Variants in GGT1 observed in about 807,000 individuals in gnomAD.
GGT1 encodes glutathione hydrolase 1 proenzyme.
GGT1 carries 21 observed loss-of-function variants against 56.0 expected under a neutral mutation model. The observed-to-expected ratio is 0.38, with a 90% confidence interval of 0.27 to 0.54. GGT1 has a LOEUF of 0.54. Among genes scored for constraint, GGT1 ranks in the 20% least tolerant of loss-of-function variants. The probability of loss-of-function intolerance (pLI) is 0.82; values close to 1 mark genes in which losing one functional copy is unlikely to be tolerated. For synonymous variants in GGT1, 238 were observed against 342.6 expected, an observed-to-expected ratio of 0.69 and a Z score of 3.37; for missense variants, 466 against 787.0, an observed-to-expected ratio of 0.59 and a Z score of 4.88.
At chr22:24,586,515 A>T in the GGT1 span, 2 of 1,208,896 alleles carry the variant, frequency 1.7e-6, no homozygotes, top group Non-Finnish European at 2.3e-6. Context: ...CAGTCTGGCA[A>T]AGCCAGATTC....
chr22:24,584,479 C>A, the GGT1 span, among the ~76,000 whole-genome samples: 4 of 152,198 alleles, frequency 2.6e-5, no homozygotes, highest in Non-Finnish European at 5.9e-5. Context: ...CCATCCTGTC[C>A]TCACCCTCCT....
intron 7 of GGT1, among the ~76,000 whole-genome samples, chr22:24,617,960 C>T (rs1485153040): frequency 6.6e-6 from 1 of 151,978 alleles, no homozygotes. Context: ...AAGTGATGAG[C>T]CCAGTAAAGC....
At chr22:24,589,900 A>C (rs1313426326), upstream of GGT1, 25 of 1,613,382 alleles carry the variant, frequency 1.5e-5, no homozygotes, top group Non-Finnish European at 2.1e-5. Context: ...GAGGAAGGCC[A>C]CATCTCTGTA....
Position 24,615,123 on chromosome 22 carries a change from G to A in GGT1, c.378G>A (p.Gln126=), listed in dbSNP as rs746881274. 1 of 1,610,572 alleles carries A rather than the reference G, an allele frequency of 6.2e-7. No individual in the cohort carries two copies. Among genetic ancestry groups the A allele is most frequent in the Non-Finnish European group, 8.5e-7 (1 of 1,178,542 alleles). ...TGTTCAACAGCTCGGAGCAGTCCCA[G>A]AAGGGTAAGCCATGCGGCAGACTTG... is the stretch of plus-strand genomic sequence containing the variant. ...ATMFNSSEQS[Q]KGGLSVAVPG... Residue 126 remains glutamine (Q), a synonymous_variant, in exon 7 of 16, where the codon CAG becomes CAA. Transcript: ENST00000400382.
chr22:24,608,776 G>C (rs1023835324), intron 2 of GGT1, among the ~76,000 whole-genome samples: 22 of 152,172 alleles, frequency 1.4e-4, no homozygotes, highest in Admixed American at 9.8e-4. Context: ...TCCTGCCTCA[G>C]CTCCTGAGTA....
the GGT1 span, chr22:24,588,241 C>T: frequency 6.2e-7 from 1 of 1,613,416 alleles, no homozygotes; most frequent in Non-Finnish European, 8.5e-7. Flanking sequence ...CTGGCGCAGG[C>T]TGGACCCTTG....
upstream of GGT1, chr22:24,589,961 G>A (rs375676985): frequency 3.8e-6 from 6 of 1,578,044 alleles, no homozygotes; most frequent in African/African-American, 2.7e-5. Flanking sequence ...TGTGAGTGGT[G>A]AAGAGAGAGT....
chr22:24,619,990 A>T (rs1278914976), intron 7 of GGT1, among the ~76,000 whole-genome samples: 3 of 135,144 alleles, frequency 2.2e-5, no homozygotes, highest in African/African-American at 6.2e-5. Flanking sequence ...AGCCCCTCCT[A>T]AAAAAAAAAA....
intron 2 of GGT1, among the ~76,000 whole-genome samples, chr22:24,608,679 C>T (rs995329737): frequency 2.6e-5 from 4 of 152,108 alleles, no homozygotes; most frequent in South Asian, 2.1e-4. Flanking sequence ...TTTTTTGAGA[C>T]GGAGTTTCAC....
chr22:24,623,286 G>T (rs1210311848), intron 10 of GGT1, 30 bp downstream of exon 10: 1 of 1,497,774 alleles, frequency 6.7e-7, no homozygotes, highest in Non-Finnish European at 9.1e-7. Context: ...CCGTGTGGTA[G>T]GACCCATGAC....
intron 5 of GGT1, 25 bp from the exon 6 acceptor site, chr22:24,614,751 C>T (rs754255136): frequency 1.2e-6 from 2 of 1,612,572 alleles, no homozygotes; most frequent in Non-Finnish European, 1.7e-6. Context: ...TGCAGGTTCT[C>T]ATGCCTTTAT....
Position 24,615,080 on chromosome 22 carries a change from G to C in GGT1, c.335G>C (p.Arg112Thr), listed in dbSNP as rs750844473. The C allele has an allele frequency of 1.4e-5, 23 of 1,612,088 alleles. 1 individual carries two copies. In the Admixed American group the frequency reaches 3.7e-4, roughly 26 times the overall value. The change falls in exon 7 of 16, where the codon AGG (arginine) becomes ACG (threonine). Residue 112 changes from arginine to threonine, a missense_variant. Arg to Thr is a moderately conservative substitution (Grantham distance 71, BLOSUM62 -1). Transcript: ENST00000400382. ...ATCAACGCCCGCGAGGTGGCCCCCA[G>C]GCTGGCCTTTGCCACCATGTTCAAC... is the stretch of plus-strand genomic sequence containing the variant. ...EVINAREVAP[R>T]LAFATMFNSS...
chr22:24,593,012 C>CG, upstream of GGT1: 1 of 1,092,116 alleles, frequency 9.2e-7, no homozygotes, highest in Non-Finnish European at 1.1e-6. Context: ...GCCTCGGGCC[C>CG]GGCCCGCCGG....
intron 1 of GGT1, 105 bp from the exon 2 acceptor site, chr22:24,607,849 G>T (rs2147290577): frequency 7.9e-6 from 3 of 379,002 alleles, no homozygotes; most frequent in Non-Finnish European, 1.6e-5. Flanking sequence ...GTGCTGCAGG[G>T]GGCCACAGGC....
At chr22:24,589,042 C>T in the GGT1 span, 463 of 1,022,498 alleles carry the variant, frequency 4.5e-4, no homozygotes, top group Non-Finnish European at 5.3e-4. Context: ...CCTGGCTGTT[C>T]CTGTGATGGC....
At chr22:24,596,986 A>ATT (rs199837761) in intron 1 of GGT1, among the ~76,000 whole-genome samples, 14 of 129,870 alleles carry the variant, frequency 1.1e-4, no homozygotes, top group African/African-American at 3.5e-4. Context: ...TTTAATTTTA[A>ATT]TTTTTTTTTT....
At chr22:24,613,373 G>A (rs569863773) in intron 5 of GGT1, among the ~76,000 whole-genome samples, 4 of 151,830 alleles carry the variant, frequency 2.6e-5, no homozygotes, top group Admixed American at 1.3e-4. Context: ...ATCTCTAGCC[G>A]GGAAAAAAAA....
At chr22:24,616,141 T>C (rs1466087207) in intron 7 of GGT1, among the ~76,000 whole-genome samples, 1 of 151,482 alleles carries the variant, frequency 6.6e-6, no homozygotes, top group Non-Finnish European at 1.5e-5. Context: ...GGCCTTTTTT[T>C]CACAGGCTCA....
upstream of GGT1, among the ~76,000 whole-genome samples, chr22:24,594,391 A>ATGTGTGTG (rs61535476): frequency 8.5e-4 from 121 of 142,298 alleles, 1 homozygote; most frequent in East Asian, 3.5e-3. Context: ...ACCCGTGTGT[A>ATGTGTGTG]TGTGTGTGTG....
Sources: gnomAD v4.1 joint callset for allele counts (sites outside exome capture counted in the v4.1 genomes callset) on GRCh38, gnomAD v4.1.1 for gene constraint, MANE v1.5 for transcripts, NCBI Gene and HGNC (gene_info 2026-07-23, HGNC 2026-07-21) for gene names.